EML6: variants seen among roughly 807,000 people sequenced by gnomAD.
EML6 encodes the protein echinoderm microtubule-associated protein-like 6.
A neutral mutation model predicts 240.1 loss-of-function variants in EML6; 154 were observed. The ratio of observed to expected loss-of-function variants is 0.64; its 90% CI spans 0.56 to 0.73. EML6 has a LOEUF of 0.73. EML6 is among the 30% of genes least tolerant of loss of function. The pLI is 0.00. For synonymous variants in EML6, 1,148 were observed against 899.0 expected, an observed-to-expected ratio of 1.28 and a Z score of -4.95; for missense variants, 2,964 against 2,474.6, an observed-to-expected ratio of 1.20 and a Z score of -4.20.
chr2:54,817,962 C>T (rs111501769), intron 4 of EML6, among the ~76,000 whole-genome samples: 30 of 152,296 alleles, frequency 2.0e-4, no homozygotes, highest in African/African-American at 6.5e-4. Context: ...CCTGGTACCC[C>T]TCTCGTCCAG....
intron 28 of EML6, among the ~76,000 whole-genome samples, chr2:54,946,512 C>A (rs972931298): frequency 6.6e-6 from 1 of 152,198 alleles, no homozygotes; most frequent in African/African-American, 2.4e-5. Context: ...GATTTAGATC[C>A]ACGGAAAACT....
Position 54,788,352 on chromosome 2 carries a change from C to T in EML6, c.198-24880C>T, listed in dbSNP as rs372443992. 1.2e-4 allele frequency among the ~76,000 whole-genome samples: 19 copies of T among 152,320 alleles called. No homozygotes were observed. In the East Asian group the frequency reaches 1.3e-3, roughly 11 times the overall value. ...CCTGTGTCTCACTTGAACCTAACTC[C>T]CTTCCTGGTCAGGGCTGGACCCAGG... On this transcript the variant is annotated intron_variant, in intron 2 of 41. Coordinates refer to ENST00000356458, the MANE Select transcript of EML6 (RefSeq NM_001039753.4).
chr2:54,758,394 CCA>C (rs1034884126), intron 2 of EML6, among the ~76,000 whole-genome samples: 1 of 152,048 alleles, frequency 6.6e-6, no homozygotes, highest in Non-Finnish European at 1.5e-5. Flanking sequence ...TTCTGATGGC[CCA>C]GAATGTGCTC....
At chr2:54,780,805 A>T (rs567198325) in intron 2 of EML6, among the ~76,000 whole-genome samples, 23 of 152,364 alleles carry the variant, frequency 1.5e-4, no homozygotes, top group African/African-American at 5.5e-4. Context: ...CTTGTGAGTC[A>T]CACGAATAAT....
intron 2 of EML6, among the ~76,000 whole-genome samples, chr2:54,810,487 G>C (rs960602216): frequency 2.6e-5 from 4 of 152,266 alleles, no homozygotes; most frequent in Middle Eastern, 3.4e-3. Context: ...TTTATTATTT[G>C]CTTCTGGATG....
intron 29 of EML6, among the ~76,000 whole-genome samples, chr2:54,949,998 C>G (rs1242467879): frequency 1.3e-5 from 2 of 152,242 alleles, no homozygotes; most frequent in African/African-American, 4.8e-5. Context: ...ACACCCCATC[C>G]TTCCACCTGC....
At chr2:54,862,356 A>AAG in intron 12 of EML6, among the ~76,000 whole-genome samples, 1 of 151,076 alleles carries the variant, frequency 6.6e-6, no homozygotes, top group Middle Eastern at 3.4e-3. Context: ...AAAAAAAAAA[A>AAG]AAAAAAAAAC....
intron 2 of EML6, among the ~76,000 whole-genome samples, chr2:54,735,230 A>G (rs902884484): frequency 1.3e-5 from 2 of 152,148 alleles, no homozygotes; most frequent in Non-Finnish European, 2.9e-5. Flanking sequence ...TCCCTTCTGG[A>G]GTCATTGCAT....
chr2:54,961,552 A>G (rs1192079552), intron 35 of EML6, among the ~76,000 whole-genome samples: 1 of 151,996 alleles, frequency 6.6e-6, no homozygotes, highest in Non-Finnish European at 1.5e-5. Context: ...CAAGAACAGG[A>G]GAATTGGCTG....
chr2:54,919,871 A>C (rs183907297), intron 26 of EML6, among the ~76,000 whole-genome samples: 1 of 152,282 alleles, frequency 6.6e-6, no homozygotes, highest in East Asian at 1.9e-4. Context: ...ACCAGTGCAA[A>C]AGCTCTGGAA....
At chr2:54,833,757 T>C (rs971605358) in intron 7 of EML6, among the ~76,000 whole-genome samples, 1 of 152,170 alleles carries the variant, frequency 6.6e-6, no homozygotes, top group Non-Finnish European at 1.5e-5. Flanking sequence ...TGACTGGGTG[T>C]TCAAACAAGT....
chr2:54,961,184 G>GTTGTTTTTTTTTGT, intron 35 of EML6, among the ~76,000 whole-genome samples: 1 of 55,424 alleles, frequency 1.8e-5, no homozygotes, highest in Admixed American at 2.7e-4. Flanking sequence ...TCAGGAAGTA[G>GTTGTTTTTTTTTGT]TTTTTTTTTT....
chr2:54,857,355 G>A (rs902723139), intron 11 of EML6, among the ~76,000 whole-genome samples: 1 of 152,132 alleles, frequency 6.6e-6, no homozygotes, highest in African/African-American at 2.4e-5. Flanking sequence ...CTGTGGTGCA[G>A]AGGACAAAGG....
At chr2:54,908,631 G>A (rs1002456211) in intron 24 of EML6, among the ~76,000 whole-genome samples, 3 of 152,226 alleles carry the variant, frequency 2.0e-5, no homozygotes, top group Non-Finnish European at 4.4e-5. Context: ...AGCATCCACT[G>A]CTCTTCTGGG....
intron 2 of EML6, among the ~76,000 whole-genome samples, chr2:54,799,360 C>T: frequency 6.6e-6 from 1 of 151,250 alleles, no homozygotes; most frequent in East Asian, 2.0e-4. Flanking sequence ...CACGCCCAGC[C>T]TTTATTACTA....
Position 54,829,370 on chromosome 2 carries a change from A to T in EML6, c.740A>T (p.Glu247Val). ...SAGIFSMYACEEGFATGGRDG... is the reference protein window; with the variant it reads ...SAGIFSMYACVEGFATGGRDG... ...GGAATCTTTAGCATGTATGCTTGTG[A>T]AGAAGGCTTTGCCACTGGTGGGCGA... is the stretch of plus-strand genomic sequence containing the variant. The change falls in exon 7 of 42, where the codon GAA (glutamate) becomes GTA (valine). Residue 247 changes from glutamate to valine, a missense_variant. Glu to Val is a moderately radical substitution (Grantham distance 121). Transcript: ENST00000356458. 6.4e-7 allele frequency: 1 copy of T among 1,551,886 alleles called. No homozygotes were observed. Among genetic ancestry groups the T allele is most frequent in the Non-Finnish European group, 8.7e-7 (1 of 1,146,994 alleles).
Position 54,869,356 on chromosome 2 carries a change from G to A in EML6, c.2227G>A (p.Ala743Thr), listed in dbSNP as rs985453007. ...CATCCATCCAGTGAAGGACTATGTG[G>A]CTACTGGGCAGGTATCTATCTCCTG... ...LTIHPVKDYV[A>T]TGQVGRDAAI... Residue 743 changes from alanine to threonine, a missense_variant, in exon 15 of 42, where the codon GCT (alanine) becomes ACT (threonine). Transcript: ENST00000356458. 1.9e-6 allele frequency: 3 copies of A among 1,549,702 alleles called. No homozygotes were observed. Among genetic ancestry groups the A allele is most frequent in the South Asian group, 1.2e-5 (1 of 83,824 alleles).
At chr2:54,862,677 C>T (rs1670746274) in intron 12 of EML6, among the ~76,000 whole-genome samples, 1 of 152,036 alleles carries the variant, frequency 6.6e-6, no homozygotes, top group South Asian at 2.1e-4. Flanking sequence ...GCGCAAAGGA[C>T]ACGAGTAAGA....
At position 54,970,284 on chromosome 2, in the gene EML6, C is replaced by T. The variant is rs143397304; in HGVS notation, c.*189C>T. 1.3e-5 allele frequency: 8 copies of T among 625,236 alleles called. No homozygotes were observed. Among genetic ancestry groups the T allele is most frequent in the Admixed American group, 1.1e-4 (4 of 35,754 alleles). The allele number at this position is 625,236 out of a possible 1,614,324, so 38.7% of individuals were successfully genotyped here. Reference sequence around the variant, plus strand: ...ATCTGGACTCTCCAAAACCGTGATGCCACGAAGGAAGGTCAAGTTTTAAAA... The same window carrying T: ...ATCTGGACTCTCCAAAACCGTGATGTCACGAAGGAAGGTCAAGTTTTAAAA... On this transcript the variant is annotated 3_prime_UTR_variant, in exon 42 of 42. Coordinates refer to ENST00000356458, the MANE Select transcript of EML6 (RefSeq NM_001039753.4).
Sources: allele counts gnomAD v4.1 joint callset (sites outside exome capture counted in the v4.1 genomes callset), GRCh38; gene constraint gnomAD v4.1.1; transcripts MANE v1.5; gene names NCBI Gene and HGNC (gene_info 2026-07-23, HGNC 2026-07-21).